Variants in PTPN1 observed in about 807,000 individuals in gnomAD.
The protein encoded by PTPN1 is protein tyrosine phosphatase non-receptor type 1, also known as tyrosine-protein phosphatase non-receptor type 1.
PTPN1 carries 12 observed loss-of-function variants against 59.9 expected under a neutral mutation model. The ratio of observed to expected loss-of-function variants is 0.20; its 90% CI spans 0.13 to 0.32. The LOEUF is 0.32. PTPN1 is among the 10% of genes least tolerant of loss of function. The pLI is 1.00. For synonymous variants in PTPN1, 178 were observed against 203.6 expected (o/e 0.87, Z 1.07); for missense variants, 356 against 549.2 (o/e 0.65, Z 3.52).
chr20:50,533,553 TA>T, intron 1 of PTPN1, among the ~76,000 whole-genome samples: 1 of 151,524 alleles, frequency 6.6e-6, no homozygotes, highest in Admixed American at 6.6e-5. Context: ...AGATGCAGAC[TA>T]AGGGATTTCC....
At chr20:50,536,900 AAG>A (rs1023114446) in intron 1 of PTPN1, among the ~76,000 whole-genome samples, 3 of 152,120 alleles carry the variant, frequency 2.0e-5, no homozygotes, top group Admixed American at 2.0e-4. Context: ...AAAACAAAAA[AAG>A]TAAAATTTTT....
intron 1 of PTPN1, among the ~76,000 whole-genome samples, chr20:50,539,026 CTTTTTTT>C (rs71190576): frequency 4.2e-4 from 36 of 85,312 alleles, no homozygotes; most frequent in Admixed American, 2.5e-4. Flanking sequence ...CTTCTCAATT[CTTTTTTT>C]TTTTTTTTTT....
At chr20:50,515,327 G>A (rs888859038) in intron 1 of PTPN1, among the ~76,000 whole-genome samples, 11 of 152,166 alleles carry the variant, frequency 7.2e-5, no homozygotes, top group Non-Finnish European at 1.5e-4. Flanking sequence ...AATCTAGCTT[G>A]CATCTTCCAG....
chr20:50,575,380 T>C (rs916314091), intron 5 of PTPN1, among the ~76,000 whole-genome samples: 4 of 152,188 alleles, frequency 2.6e-5, no homozygotes, highest in Non-Finnish European at 4.4e-5. Context: ...CTCATCACAG[T>C]GTCTCCGTTT....
At position 50,579,733 on chromosome 20, in the gene PTPN1, C is replaced by A. The variant is rs778065017; in HGVS notation, c.895C>A (p.Leu299Met). 1.1e-5 allele frequency: 17 copies of A among 1,612,670 alleles called. No individual in the cohort carries two copies. The highest frequency in any genetic ancestry group is 1.7e-5 in the Admixed American group (1 of 60,004). ...DQWKELSHED[L>M]EPPPEHIPPP... The stretch of plus-strand genomic sequence containing the variant: ...GTGGAAGGAGCTTTCCCACGAGGAC[C>A]TGGAGCCCCCACCCGAGCATATCCC... The change falls in exon 8 of 10, where the codon CTG becomes ATG. Residue 299 changes from leucine (L) to methionine (M), a missense_variant. By Grantham distance (15) the Leu-to-Met change is conservative (BLOSUM62 2). Around this residue, in one of 3 missense-constraint regions of PTPN1, gnomAD observed 100 missense variants for 107.7 expected, o/e 0.93. Coordinates refer to ENST00000371621, the MANE Select transcript of PTPN1 (RefSeq NM_002827.4).
rs752471455 is a variant in PTPN1 at position 50,561,920 on chromosome 20, C to T, written c.154+467C>T. On this transcript the variant is annotated intron_variant, in intron 2 of 9. Coordinates refer to ENST00000371621, the MANE Select transcript of PTPN1 (RefSeq NM_002827.4). ...CTGGAGTCCCCACCGCCTCCACCCC[C>T]GCCAACCTCATCATTTTTCTCCCTC... Among the ~76,000 whole-genome samples the T allele has an allele frequency of 3.0e-4, 45 of 152,284 alleles. 1 individual carries two copies. Among genetic ancestry groups the T allele is most frequent in the Non-Finnish European group, 2.6e-4 (18 of 68,030 alleles).
chr20:50,529,336 A>C (rs1255298391), intron 1 of PTPN1, among the ~76,000 whole-genome samples: 1 of 152,212 alleles, frequency 6.6e-6, no homozygotes, highest in Non-Finnish European at 1.5e-5. Flanking sequence ...TAAAAGCCAG[A>C]GATTTTTCAA....
chr20:50,553,450 A>C (rs569969864), intron 1 of PTPN1, among the ~76,000 whole-genome samples: 1 of 152,312 alleles, frequency 6.6e-6, no homozygotes, highest in South Asian at 2.1e-4. Context: ...GGCTGGATAC[A>C]GTGTACACTT....
chr20:50,544,450 C>T (rs565337898), intron 1 of PTPN1, among the ~76,000 whole-genome samples: 2 of 152,258 alleles, frequency 1.3e-5, no homozygotes, highest in African/African-American at 4.8e-5. Flanking sequence ...GCCATTGCGC[C>T]CTGCCTGATT....
chr20:50,535,182 G>A (rs918111741), intron 1 of PTPN1, among the ~76,000 whole-genome samples: 1 of 152,196 alleles, frequency 6.6e-6, no homozygotes, highest in South Asian at 2.1e-4. Flanking sequence ...GACATGTTAT[G>A]TATCACTGTC....
chr20:50,569,228 C>A (rs922892887), intron 4 of PTPN1, among the ~76,000 whole-genome samples: 1 of 152,258 alleles, frequency 6.6e-6, no homozygotes, highest in East Asian at 1.9e-4. Context: ...CAGGATAATA[C>A]ATGGTGTGGC....
chr20:50,565,057 C>T lies in PTPN1; in HGVS notation c.243C>T (p.Tyr81=), dbSNP rs567104526. 8.7e-6 allele frequency: 14 copies of T among 1,611,266 alleles called. No homozygotes were observed. In the African/African-American group the frequency reaches 9.4e-5, roughly 11 times the overall value. ...LIKMEEAQRS[Y]ILTQGPLPNT... is the part of the protein sequence containing the mutation. ...AAATGGAAGAAGCCCAAAGGAGTTA[C>T]ATTCTTACCCAGGTAAGCAGATTGT... The change falls in exon 3 of 10, where the codon TAC becomes TAT. Residue 81 remains tyrosine, a synonymous_variant. Coordinates refer to ENST00000371621, the MANE Select transcript of PTPN1 (RefSeq NM_002827.4).
rs1239562012 is a variant in PTPN1 at position 50,579,764 on chromosome 20, C to T, written c.926C>T (p.Pro309Leu). 1.2e-6 allele frequency: 2 copies of T among 1,613,598 alleles called. No homozygotes were observed. The highest frequency in any genetic ancestry group is 2.7e-5 in the African/African-American group (2 of 74,908). Residue 309 changes from proline to leucine, a missense_variant, in exon 8 of 10, where the codon CCT becomes CTT. Pro to Leu is a moderately conservative substitution (Grantham distance 98, BLOSUM62 -3). Coordinates refer to ENST00000371621, the MANE Select transcript of PTPN1 (RefSeq NM_002827.4). ...CCCCCACCCGAGCATATCCCCCCAC[C>T]TCCCCGGCCACCCAAACGAATCCTG... Reference protein sequence around the residue: ...LEPPPEHIPPPPRPPKRILEP... With the variant: ...LEPPPEHIPPLPRPPKRILEP...
At chr20:50,528,529 C>A (rs1476354518) in intron 1 of PTPN1, among the ~76,000 whole-genome samples, 2 of 152,054 alleles carry the variant, frequency 1.3e-5, no homozygotes, top group East Asian at 3.9e-4. Context: ...GCCTGGCCAA[C>A]ATGGTGAAAC....
chr20:50,540,508 G>A (rs2082646936), intron 1 of PTPN1, among the ~76,000 whole-genome samples: 1 of 152,170 alleles, frequency 6.6e-6, no homozygotes, highest in Non-Finnish European at 1.5e-5. Context: ...CGTTCATGAA[G>A]GATCTGGCCC....
In PTPN1 at chr20:50,551,650, A is replaced by C. The variant is rs12479657; in HGVS notation, c.64-9713A>C. Among the ~76,000 whole-genome samples the C allele has an allele frequency of 4.2e-3, 639 of 152,282 alleles. 18 individuals are homozygous for C. The highest frequency in any genetic ancestry group is 0.039 in the Admixed American group (591 of 15,304). On this transcript the variant is annotated intron_variant, in intron 1 of 9. Transcript: ENST00000371621. ...CTAAGAGAAAGGAGGCTCTTAAAAAACCACTGAGGTGTGGACTGGGGGAAG... is the reference window on the plus strand; with the variant it reads ...CTAAGAGAAAGGAGGCTCTTAAAAACCCACTGAGGTGTGGACTGGGGGAAG...
intron 1 of PTPN1, among the ~76,000 whole-genome samples, chr20:50,524,775 C>A (rs773825187): frequency 3.4e-4 from 51 of 151,552 alleles, no homozygotes; most frequent in Non-Finnish European, 1.0e-4. Context: ...AAGGGTTTCA[C>A]CATGTTGGTC....
chr20:50,581,875 G>A (rs1360940658), intron 9 of PTPN1, among the ~76,000 whole-genome samples: 2 of 151,918 alleles, frequency 1.3e-5, no homozygotes, highest in African/African-American at 4.8e-5. Flanking sequence ...AGGCACTTAT[G>A]AAACTTTCTC....
intron 1 of PTPN1, among the ~76,000 whole-genome samples, chr20:50,544,179 A>G (rs2082664912): frequency 6.6e-6 from 1 of 151,672 alleles, no homozygotes; most frequent in Non-Finnish European, 1.5e-5. Flanking sequence ...TTAAAACAAG[A>G]TCTTACTGTT....
Sources: gnomAD v4.1 joint callset for allele counts (sites outside exome capture counted in the v4.1 genomes callset) on GRCh38, gnomAD v4.1.1 for gene constraint, gnomAD v4.1.1 regional missense constraint, MANE v1.5 for transcripts, NCBI Gene and HGNC (gene_info 2026-07-23, HGNC 2026-07-21) for gene names.